Variants in TCF7L1 observed in about 807,000 individuals in gnomAD.
TCF7L1 encodes the protein transcription factor 7-like 1.
A neutral mutation model predicts 63.7 loss-of-function variants in TCF7L1; 18 were observed. The ratio of observed to expected loss-of-function variants is 0.28; its 90% CI spans 0.20 to 0.42. TCF7L1 has a LOEUF of 0.42. Among genes scored for constraint, TCF7L1 ranks in the 10% least tolerant of loss-of-function variants. The pLI, the probability that TCF7L1 is intolerant of heterozygous loss-of-function variation, is 1.00. For missense variants in TCF7L1, 654 were observed against 779.3 expected (o/e 0.84, Z 1.91); for synonymous variants, 355 against 340.9 (o/e 1.04, Z -0.46).
At chr2:85,186,665 A>G (rs959290947) in intron 3 of TCF7L1, 3 of 152,200 alleles carry the variant, frequency 2.0e-5, no homozygotes, top group African/African-American at 7.2e-5. Context: ...TGCCTGATGT[A>G]TCTGTAACAG....
chr2:85,282,809 T>G (rs1681450339), intron 3 of TCF7L1, among the ~76,000 whole-genome samples: 1 of 149,226 alleles, frequency 6.7e-6, no homozygotes, highest in African/African-American at 2.5e-5. Context: ...TGTGTGTGTG[T>G]GTGTGTGTGT....
At chr2:85,239,945 A>T (rs900724112) in intron 3 of TCF7L1, among the ~76,000 whole-genome samples, 336 of 12,030 alleles carry the variant, frequency 0.028, 1 homozygote, top group African/African-American at 0.083. Context: ...GACTCCATCT[A>T]AAAAAAAAAA....
rs527535481 is a variant in TCF7L1, at chr2:85,304,039, C to T, written c.761+42C>T. ...CTCTCTTCCCCCTGCTCCCTCCTTG[C>T]GCTGAGCTCTGCCTCTGTGCCCTGC... On this transcript the variant is annotated intron_variant, in intron 6 of 11. Coordinates refer to ENST00000282111, the MANE Select transcript of TCF7L1 (RefSeq NM_031283.3). The T allele has an allele frequency of 1.0e-4, 150 of 1,489,898 alleles. No homozygotes were observed. In the East Asian group the frequency reaches 1.8e-3, roughly 17 times the overall value. 92.3% of individuals were successfully genotyped at this position (1,489,898 alleles called of 1,614,324 possible).
chr2:85,300,389 T>G (rs1681940543), intron 4 of TCF7L1, among the ~76,000 whole-genome samples: 1 of 152,252 alleles, frequency 6.6e-6, no homozygotes, highest in Admixed American at 6.5e-5. Flanking sequence ...TATGTTCATG[T>G]ATATGGAGAT....
intron 3 of TCF7L1, among the ~76,000 whole-genome samples, chr2:85,205,243 T>G (rs1006728109): frequency 6.6e-6 from 1 of 152,198 alleles, no homozygotes; most frequent in Non-Finnish European, 1.5e-5. Flanking sequence ...TGAAAAAGAA[T>G]AAAGATATTT....
At chr2:85,278,000 T>C (rs1681317145) in intron 3 of TCF7L1, among the ~76,000 whole-genome samples, 1 of 152,218 alleles carries the variant, frequency 6.6e-6, no homozygotes, top group Admixed American at 6.5e-5. Flanking sequence ...GTCCTGCCTC[T>C]GTACAGGGCA....
chr2:85,144,678 G>T (rs1232850457), intron 3 of TCF7L1, among the ~76,000 whole-genome samples: 3 of 151,408 alleles, frequency 2.0e-5, no homozygotes, highest in African/African-American at 7.3e-5. Flanking sequence ...TTGCAGAGGG[G>T]ATATTTGTCT....
chr2:85,265,266 T>G (rs1388637975), intron 3 of TCF7L1, among the ~76,000 whole-genome samples: 1 of 150,556 alleles, frequency 6.6e-6, no homozygotes, highest in Admixed American at 6.6e-5. Context: ...ACCACTCTGA[T>G]CGCACATTAA....
chr2:85,138,650 C>T (rs984840567), intron 3 of TCF7L1, among the ~76,000 whole-genome samples: 1 of 152,076 alleles, frequency 6.6e-6, no homozygotes, highest in African/African-American at 2.4e-5. Context: ...GGGAACCTGT[C>T]AATCTTTTTT....
chr2:85,178,824 T>C (rs1240712246), intron 3 of TCF7L1, among the ~76,000 whole-genome samples: 1 of 152,006 alleles, frequency 6.6e-6, no homozygotes, highest in African/African-American at 2.4e-5. Flanking sequence ...TTAGACACTC[T>C]TGTCTTAGGT....
chr2:85,270,834 C>T (rs1283079177), intron 3 of TCF7L1, among the ~76,000 whole-genome samples: 1 of 152,110 alleles, frequency 6.6e-6, no homozygotes, highest in Admixed American at 6.5e-5. Context: ...GGACTACAAG[C>T]GTGCGCCACC....
At chr2:85,137,072 T>C (rs1290276292) in intron 3 of TCF7L1, among the ~76,000 whole-genome samples, 1 of 152,208 alleles carries the variant, frequency 6.6e-6, no homozygotes, top group Non-Finnish European at 1.5e-5. Context: ...TGCACCACTT[T>C]AGGCTTTGCT....
At chr2:85,171,770 C>T (rs1678549057) in intron 3 of TCF7L1, among the ~76,000 whole-genome samples, 1 of 152,188 alleles carries the variant, frequency 6.6e-6, no homozygotes. Context: ...TTGGACTCTC[C>T]AAGCCTCCAT....
intron 3 of TCF7L1, among the ~76,000 whole-genome samples, chr2:85,171,827 T>C (rs1394765810): frequency 1.3e-5 from 2 of 152,146 alleles, no homozygotes; most frequent in Non-Finnish European, 2.9e-5. Context: ...TGCCAGATTC[T>C]TGTAAAATGT....
intron 3 of TCF7L1, among the ~76,000 whole-genome samples, chr2:85,188,470 T>G (rs1167144613): frequency 1.3e-5 from 2 of 152,206 alleles, no homozygotes; most frequent in African/African-American, 4.8e-5. Flanking sequence ...AAATAAAAAG[T>G]TAAAACAATA....
At position 85,133,894 on chromosome 2, in the gene TCF7L1, C is replaced by A; in HGVS notation, c.210C>A (p.Val70=). ...TAGACGAGGTCAAGTCGTCCCTGGTCAACGAGTCGGAGAACCAGAGCAGCA... is the reference window on the plus strand; with the variant it reads ...TAGACGAGGTCAAGTCGTCCCTGGTAAACGAGTCGGAGAACCAGAGCAGCA... ...RDLDEVKSSL[V]NESENQSSSS... The change falls in exon 1 of 12, where the codon GTC becomes GTA. Residue 70 remains valine, a synonymous_variant. Coordinates refer to ENST00000282111, the MANE Select transcript of TCF7L1 (RefSeq NM_031283.3). The surrounding 1 kb of genome is among the most constrained non-coding windows in gnomAD (Gnocchi z 4.4). 1 of 1,521,806 alleles carries A rather than the reference C, an allele frequency of 6.6e-7. No individual in the cohort carries two copies. Among genetic ancestry groups the A allele is most frequent in the East Asian group, 2.5e-5 (1 of 40,224 alleles). The allele number at this position is 1,521,806 out of a possible 1,614,324, so 94.3% of individuals were successfully genotyped here.
intron 3 of TCF7L1, among the ~76,000 whole-genome samples, chr2:85,210,517 A>G (rs777808361): frequency 3.9e-5 from 6 of 152,234 alleles, no homozygotes; most frequent in Non-Finnish European, 5.9e-5. Context: ...CTACCTGGAA[A>G]ACCCAAGAGA....
intron 4 of TCF7L1, among the ~76,000 whole-genome samples, chr2:85,295,295 A>C (rs1681815868): frequency 6.6e-6 from 1 of 152,042 alleles, no homozygotes; most frequent in Non-Finnish European, 1.5e-5. Context: ...TTTGCCTCCC[A>C]GGTTCAAGCG....
intron 3 of TCF7L1, among the ~76,000 whole-genome samples, chr2:85,204,285 C>A (rs2104281596): frequency 1.5e-5 from 1 of 65,322 alleles, no homozygotes; most frequent in South Asian, 5.1e-4. Flanking sequence ...TATTTGATAA[C>A]TTGCTTCCCC....
Sources: gnomAD v4.1 joint callset for allele counts (sites outside exome capture counted in the v4.1 genomes callset) on GRCh38, gnomAD v4.1.1 for gene constraint, Gnocchi (gnomAD v3.1) non-coding constraint, MANE v1.5 for transcripts, NCBI Gene and HGNC (gene_info 2026-07-23, HGNC 2026-07-21) for gene names.